Variants in NRXN3 observed in about 807,000 individuals in gnomAD.
The protein encoded by NRXN3 is neurexin III.
NRXN3 carries 32 observed loss-of-function variants against 137.6 expected under a neutral mutation model. That is an observed-to-expected ratio of 0.23 (90% confidence interval 0.18 to 0.31). The LOEUF (loss-of-function observed/expected upper bound fraction) is 0.31. NRXN3 is among the 10% of genes least tolerant of loss of function. The pLI is 1.00. For missense variants in NRXN3, 1,574 were observed against 2,062.5 expected (o/e 0.76, Z 4.59); for synonymous variants, 798 against 784.5 (o/e 1.02, Z -0.29).
At chr14:79,239,633 C>T (rs1302318486) in intron 15 of NRXN3, among the ~76,000 whole-genome samples, 1 of 152,104 alleles carries the variant, frequency 6.6e-6, no homozygotes, top group African/African-American at 2.4e-5. Flanking sequence ...CCATATGATT[C>T]AGCAATCCCA....
At chr14:78,651,440 C>T (rs927230315) in intron 6 of NRXN3, 114 bp downstream of exon 6, 1 of 1,177,692 alleles carries the variant, frequency 8.5e-7, no homozygotes, top group Non-Finnish European at 1.2e-6. Flanking sequence ...TGATAGATTG[C>T]AGCAGAAACA....
intron 19 of NRXN3, among the ~76,000 whole-genome samples, chr14:79,738,848 T>C (rs2160081): frequency 0.55 from 83,334 of 151,984 alleles, 23,451 homozygotes; most frequent in Middle Eastern, 0.66. Flanking sequence ...CATGAGCCAC[T>C]GCGCCCAGCC....
chr14:78,815,847 C>T (rs1339656997), intron 10 of NRXN3, among the ~76,000 whole-genome samples: 1 of 152,134 alleles, frequency 6.6e-6, no homozygotes, highest in East Asian at 1.9e-4. Flanking sequence ...GTAGAACCCT[C>T]TTTGGTATCC....
intron 15 of NRXN3, among the ~76,000 whole-genome samples, chr14:79,177,105 A>G (rs2062422485): frequency 6.6e-6 from 1 of 152,214 alleles, no homozygotes; most frequent in Non-Finnish European, 1.5e-5. Context: ...ACTTATCTAT[A>G]ATTTTATCTT....
At chr14:78,750,745 C>T (rs773586512) in intron 8 of NRXN3, among the ~76,000 whole-genome samples, 10 of 148,394 alleles carry the variant, frequency 6.7e-5, no homozygotes, top group African/African-American at 9.7e-5. Context: ...CAAAAACCCC[C>T]AAACAATTAT....
At chr14:79,431,912 A>G (rs2095762652) in intron 15 of NRXN3, among the ~76,000 whole-genome samples, 1 of 152,094 alleles carries the variant, frequency 6.6e-6, no homozygotes, top group Non-Finnish European at 1.5e-5. Context: ...CACAGACCTT[A>G]TTATCCTTTA....
chr14:79,664,794 G>A (rs2098550167), intron 17 of NRXN3, among the ~76,000 whole-genome samples: 1 of 152,034 alleles, frequency 6.6e-6, no homozygotes, highest in Non-Finnish European at 1.5e-5. Flanking sequence ...TTCAGCAAAG[G>A]GCCATTGTTC....
intron 8 of NRXN3, among the ~76,000 whole-genome samples, chr14:78,768,841 C>T (rs1361992329): frequency 1.3e-5 from 2 of 152,172 alleles, no homozygotes; most frequent in Non-Finnish European, 2.9e-5. Flanking sequence ...TCTGGAACTT[C>T]CACACCATTC....
At chr14:78,616,700 C>T (rs1161931428) in intron 4 of NRXN3, among the ~76,000 whole-genome samples, 1 of 152,074 alleles carries the variant, frequency 6.6e-6, no homozygotes, top group Non-Finnish European at 1.5e-5. Flanking sequence ...AATGATAGGC[C>T]CAAGAGGGCA....
At chr14:79,353,705 A>T (rs1436499110) in intron 15 of NRXN3, among the ~76,000 whole-genome samples, 1 of 152,146 alleles carries the variant, frequency 6.6e-6, no homozygotes, top group Non-Finnish European at 1.5e-5. Context: ...TGCTTTGCAT[A>T]CATTTTCTCA....
At chr14:78,379,470 T>C (rs745411392) in intron 4 of NRXN3, among the ~76,000 whole-genome samples, 3 of 152,194 alleles carry the variant, frequency 2.0e-5, no homozygotes, top group African/African-American at 4.8e-5. Flanking sequence ...CATTCAAAAA[T>C]TGATATATCC....
intron 19 of NRXN3, among the ~76,000 whole-genome samples, chr14:79,713,475 A>AGTGT (rs2098812501): frequency 9.0e-6 from 1 of 111,000 alleles, no homozygotes; most frequent in Non-Finnish European, 1.9e-5. Flanking sequence ...AGATATATAT[A>AGTGT]ATGTATATAT....
At chr14:78,292,684 G>A (rs528118376) in intron 3 of NRXN3, among the ~76,000 whole-genome samples, 2 of 152,266 alleles carry the variant, frequency 1.3e-5, no homozygotes, top group Admixed American at 6.5e-5. Context: ...AACTTTAATG[G>A]TGCTGCATTT....
intron 15 of NRXN3, among the ~76,000 whole-genome samples, chr14:79,291,874 G>C (rs1364983160): frequency 1.3e-5 from 2 of 151,872 alleles, no homozygotes; most frequent in Non-Finnish European, 2.9e-5. Context: ...CTAGATACAG[G>C]ATAAATTATG....
chr14:78,786,859 T>A (rs1292042887), intron 8 of NRXN3, among the ~76,000 whole-genome samples: 1 of 152,138 alleles, frequency 6.6e-6, no homozygotes, highest in African/African-American at 2.4e-5. Flanking sequence ...CTTTTTCATA[T>A]CTCTGTAAGA....
intron 20 of NRXN3, among the ~76,000 whole-genome samples, chr14:79,832,015 C>T (rs2099325407): frequency 1.3e-5 from 2 of 152,030 alleles, no homozygotes; most frequent in African/African-American, 4.8e-5. Context: ...CCCTCGCCGC[C>T]CTGATACCAA....
chr14:79,797,555 TAG>T (rs1348796824), intron 19 of NRXN3, among the ~76,000 whole-genome samples: 1 of 152,168 alleles, frequency 6.6e-6, no homozygotes, highest in African/African-American at 2.4e-5. Context: ...TATGACAAGT[TAG>T]AGTCATTTAT....
At chr14:78,532,150 C>CAAAAAAAA (rs386381910) in intron 4 of NRXN3, among the ~76,000 whole-genome samples, 8 of 121,352 alleles carry the variant, frequency 6.6e-5, no homozygotes, top group Non-Finnish European at 1.2e-4. Flanking sequence ...ACTAAAAATA[C>CAAAAAAAA]AAAAAAAAAA....
At chr14:78,338,377 G>A (rs1238923142) in intron 4 of NRXN3, among the ~76,000 whole-genome samples, 1 of 152,210 alleles carries the variant, frequency 6.6e-6, no homozygotes. Flanking sequence ...AATTCCTATT[G>A]AACAGAGCAG....
Sources: allele counts gnomAD v4.1 joint callset (sites outside exome capture counted in the v4.1 genomes callset), GRCh38; gene constraint gnomAD v4.1.1; transcripts MANE v1.5; gene names NCBI Gene and HGNC (gene_info 2026-07-23, HGNC 2026-07-21).